The following RIPOR1 variants were observed in gnomAD, a reference collection of about 807,000 sequenced individuals.
The protein encoded by RIPOR1 is rho family-interacting cell polarization regulator 1.
A neutral mutation model predicts 116.5 loss-of-function variants in RIPOR1; 58 were observed. The observed-to-expected ratio is 0.50, with a 90% confidence interval of 0.40 to 0.62. The LOEUF (loss-of-function observed/expected upper bound fraction) is 0.62. RIPOR1 is among the 20% of genes least tolerant of loss of function. The pLI, the probability that RIPOR1 is intolerant of heterozygous loss-of-function variation, is 0.00. For synonymous variants in RIPOR1, 605 were observed against 650.0 expected, an observed-to-expected ratio of 0.93 and a Z score of 1.05; for missense variants, 1,372 against 1,586.2, an observed-to-expected ratio of 0.86 and a Z score of 2.29.
rs56068529 is a variant in RIPOR1, at chr16:67,542,952, C to T, written c.2166C>T (p.Pro722=). The change falls in exon 13 of 22, where the codon CCC becomes CCT. Residue 722 remains proline, a synonymous_variant. Transcript: ENST00000042381. This position sits in a 1 kb window ranked among gnomAD's most constrained non-coding sequence, Gnocchi z 4.6. Reference sequence around the variant, plus strand: ...ACACTCAGGCAGACCCTATGGCCCCCAGAACTCCCCACCCAAGTCCTGCCC... The same window carrying T: ...ACACTCAGGCAGACCCTATGGCCCCTAGAACTCCCCACCCAAGTCCTGCCC... ...NSYTQADPMA[P]RTPHPSPAHS... is the part of the protein sequence containing the mutation. The T allele has an allele frequency of 7.5e-4, 1,183 of 1,585,810 alleles. 7 individuals are homozygous for T. The African/African-American group carries it at 0.014, about 19-fold the overall frequency.
rs1250367569 is a variant in RIPOR1, at chr16:67,545,570, G to T, written c.3190+36G>T. On this transcript the variant is annotated intron_variant, in intron 18 of 21. Transcript: ENST00000042381. The surrounding 1 kb of genome is among the most constrained non-coding windows in gnomAD (Gnocchi z 4.8). ...GGCCCTGATCACATAGTGGCCTCTTGGGGTCTGAGGACATGAGGACAAGCC... is the reference window on the plus strand; with the variant it reads ...GGCCCTGATCACATAGTGGCCTCTTTGGGTCTGAGGACATGAGGACAAGCC... 6.2e-7 allele frequency: 1 copy of T among 1,608,902 alleles called. No individual in the cohort carries two copies. Among genetic ancestry groups the T allele is most frequent in the Non-Finnish European group, 8.5e-7 (1 of 1,176,616 alleles).
chr16:67,534,286 A>C (rs2050737835), intron 1 of RIPOR1, among the ~76,000 whole-genome samples: 1 of 145,896 alleles, frequency 6.9e-6, no homozygotes, highest in Non-Finnish European at 1.5e-5. Flanking sequence ...CACCTGGCTA[A>C]TTTTTGTATT....
At position 67,537,579 on chromosome 16, in the gene RIPOR1, A is replaced by G; in HGVS notation, c.-23-845A>G. On this transcript the variant is annotated intron_variant, in intron 1 of 21. Coordinates refer to ENST00000042381, the MANE Select transcript of RIPOR1 (RefSeq NM_024519.4). The surrounding 1 kb of genome is among the most constrained non-coding windows in gnomAD (Gnocchi z 4.6). Reference sequence around the variant, plus strand: ...GGTCGGGGGCCGTCCCGGACCCACCATGAACACCAAGAAGAGAGGTAGGAC... The same window carrying G: ...GGTCGGGGGCCGTCCCGGACCCACCGTGAACACCAAGAAGAGAGGTAGGAC... 5 of 1,421,048 alleles carry G rather than the reference A, an allele frequency of 3.5e-6. No individual in the cohort carries two copies. The highest frequency in any genetic ancestry group is 4.6e-6 in the Non-Finnish European group (5 of 1,086,418). The allele number at this position is 1,421,048 out of a possible 1,614,324, so 88.0% of individuals were successfully genotyped here. A position where few individuals can be genotyped will look rare whatever the true frequency, so the allele number is the denominator to read the frequency against.
At chr16:67,527,738 T>TG (rs1240988888), upstream of RIPOR1, among the ~76,000 whole-genome samples, 3 of 148,782 alleles carry the variant, frequency 2.0e-5, no homozygotes, top group Non-Finnish European at 4.4e-5. Context: ...TAGCCGGGCG[T>TG]GGTGTGGGCG....
In RIPOR1 at chr16:67,530,931, C is replaced by T. The variant is rs931531098; in HGVS notation, c.-24+2017C>T. Among the ~76,000 whole-genome samples, 1 of 152,152 alleles carries T rather than the reference C, an allele frequency of 6.6e-6. No individual in the cohort carries two copies. Reference sequence around the variant, plus strand: ...GTTCAGCTCTTTCCCTACCTGCTCTCACCCAGCAAGGGCAATCTTGCCCGC... The same window carrying T: ...GTTCAGCTCTTTCCCTACCTGCTCTTACCCAGCAAGGGCAATCTTGCCCGC... On this transcript the variant is annotated intron_variant, in intron 1 of 21. Transcript: ENST00000042381. The surrounding 1 kb of genome is among the most constrained non-coding windows in gnomAD (Gnocchi z 4.5).
At position 67,537,239 on chromosome 16, in the gene RIPOR1, C is replaced by T. The variant is rs113009461; in HGVS notation, c.-23-1185C>T. ...CAATAGCGACTCTTTAAGCCCCCTACTCTAATGTCTGATACTTCCTCCACT... is the reference window on the plus strand; with the variant it reads ...CAATAGCGACTCTTTAAGCCCCCTATTCTAATGTCTGATACTTCCTCCACT... On this transcript the variant is annotated intron_variant, in intron 1 of 21. Coordinates refer to ENST00000042381, the MANE Select transcript of RIPOR1 (RefSeq NM_024519.4). The surrounding 1 kb of genome is among the most constrained non-coding windows in gnomAD (Gnocchi z 4.6). Among the ~76,000 whole-genome samples, 57 of 152,322 alleles carry T rather than the reference C, an allele frequency of 3.7e-4. No homozygotes were observed. Among genetic ancestry groups the T allele is most frequent in the African/African-American group, 1.2e-3 (50 of 41,576 alleles).
rs547601677 is a variant in RIPOR1 at position 67,533,911 on chromosome 16, G to A, written c.-23-4513G>A. 2.0e-3 allele frequency among the ~76,000 whole-genome samples: 305 copies of A among 149,342 alleles called. 4 individuals are homozygous for A. The highest frequency in any genetic ancestry group is 7.4e-3 in the African/African-American group (301 of 40,478). On this transcript the variant is annotated intron_variant, in intron 1 of 21. Coordinates refer to ENST00000042381, the MANE Select transcript of RIPOR1 (RefSeq NM_024519.4). ...CAACCTCCACCTCCCGGGTTCAAGC[G>A]ATTCTCCTGCCTCAGTCTTCTGAGC...
At position 67,542,538 on chromosome 16, in the gene RIPOR1, T is replaced by C. The variant is rs746888651; in HGVS notation, c.1752T>C (p.Thr584=). Residue 584 remains threonine (T), a synonymous_variant, in exon 13 of 22, where the codon ACT becomes ACC. Transcript: ENST00000042381. This position sits in a 1 kb window ranked among gnomAD's most constrained non-coding sequence, Gnocchi z 4.6. The part of the protein sequence containing the change: ...THKPIISTLT[T]TGPTLNIIGP... ...AGCCCATAATCTCTACCCTTACTAC[T>C]ACAGGCCCTACCCTCAATATCATAG... 17 of 1,613,646 alleles carry C rather than the reference T, an allele frequency of 1.1e-5. No homozygotes were observed. The highest frequency in any genetic ancestry group is 1.3e-5 in the African/African-American group (1 of 74,756).
intron 1 of RIPOR1, among the ~76,000 whole-genome samples, chr16:67,518,783 G>A (rs1387401111): frequency 6.6e-6 from 1 of 152,214 alleles, no homozygotes; most frequent in Non-Finnish European, 1.5e-5. Flanking sequence ...CGGTCTTGGG[G>A]TGTGGAACCC....
In RIPOR1 at chr16:67,544,902, G is replaced by A; in HGVS notation, c.2870-54G>A. 1.2e-6 allele frequency: 2 copies of A among 1,603,986 alleles called. No individual in the cohort carries two copies. Among genetic ancestry groups the A allele is most frequent in the Non-Finnish European group, 1.7e-6 (2 of 1,174,718 alleles). ...TACCTCAGCCTACTGCCATCTGCAT[G>A]CTCTCTACTCACCTGCCTGCCTGTT... On this transcript the variant is annotated intron_variant, in intron 16 of 21. Coordinates refer to ENST00000042381, the MANE Select transcript of RIPOR1 (RefSeq NM_024519.4). This position sits in a 1 kb window ranked among gnomAD's most constrained non-coding sequence, Gnocchi z 5.1.
At chr16:67,526,891 G>A (rs1001518212), upstream of RIPOR1, among the ~76,000 whole-genome samples, 3 of 152,220 alleles carry the variant, frequency 2.0e-5, no homozygotes, top group African/African-American at 7.2e-5. Context: ...TCTAGCTCAG[G>A]TGGATGCCTG....
chr16:67,529,459 C>T lies in RIPOR1; in HGVS notation c.-24+545C>T. Reference sequence around the variant, plus strand: ...CCGCCCAAACCTGGCGTAGCCGAAGCCGGAGAGGATCGTCCTTGTCGGGGA... The same window carrying T: ...CCGCCCAAACCTGGCGTAGCCGAAGTCGGAGAGGATCGTCCTTGTCGGGGA... On this transcript the variant is annotated intron_variant, in intron 1 of 21. Transcript: ENST00000042381. The surrounding 1 kb of genome is among the most constrained non-coding windows in gnomAD (Gnocchi z 4.1). The T allele has an allele frequency of 3.3e-6, 1 of 300,894 alleles. No homozygotes were observed. The highest frequency in any genetic ancestry group is 5.7e-5 in the South Asian group (1 of 17,572). The allele number at this position is 300,894 out of a possible 1,614,324, so 18.6% of individuals were successfully genotyped here. A position where few individuals can be genotyped will look rare whatever the true frequency, so the allele number is the denominator to read the frequency against.
chr16:67,535,003 C>T lies in RIPOR1; in HGVS notation c.-23-3421C>T, dbSNP rs149842041. 2.0e-5 allele frequency among the ~76,000 whole-genome samples: 3 copies of T among 151,998 alleles called. No individual in the cohort carries two copies. The East Asian group carries it at 5.8e-4, about 29-fold the overall frequency. On this transcript the variant is annotated intron_variant, in intron 1 of 21. Transcript: ENST00000042381. The stretch of plus-strand genomic sequence containing the variant: ...CACTACAGGCGTGCACGACCAAGCC[C>T]AGCTAATTTTTGTATTTTTAGCAGA...
At chr16:67,538,273 C>A (rs905238206) in intron 1 of RIPOR1, 151 bp from the exon 2 acceptor site, 2 of 991,458 alleles carry the variant, frequency 2.0e-6, no homozygotes, top group Non-Finnish European at 2.8e-6. Context: ...CATTAGTGCC[C>A]GGGTCGGCGG....
In RIPOR1 at chr16:67,545,302, G is replaced by A; in HGVS notation, c.3032-74G>A. The A allele has an allele frequency of 1.9e-6, 3 of 1,565,808 alleles. No individual in the cohort carries two copies. The highest frequency in any genetic ancestry group is 2.6e-6 in the Non-Finnish European group (3 of 1,153,782). On this transcript the variant is annotated intron_variant, in intron 17 of 21. Transcript: ENST00000042381. The surrounding 1 kb of genome is among the most constrained non-coding windows in gnomAD (Gnocchi z 4.8). ...ACAGGGGGCCCCTGGACCTGAGCCT[G>A]GGATAGGAGCATCTCTCCCCTCTAA...
At position 67,545,020 on chromosome 16, in the gene RIPOR1, C is replaced by G. The variant is rs770973254; in HGVS notation, c.2934C>G (p.Leu978=). 134 of 1,613,556 alleles carry G rather than the reference C, an allele frequency of 8.3e-5. No individual in the cohort carries two copies. The highest frequency in any genetic ancestry group is 1.1e-4 in the Non-Finnish European group (128 of 1,180,038). Residue 978 remains leucine, a synonymous_variant, in exon 17 of 22, where the codon CTC becomes CTG. Transcript: ENST00000042381. This position sits in a 1 kb window ranked among gnomAD's most constrained non-coding sequence, Gnocchi z 4.8. ...LTFWDQCTER[L]SCFLCPVERV... ...TCTGGGACCAGTGCACAGAGAGACT[C>G]AGCTGCTTCCTCTGCCCGGTGGAGC...
At chr16:67,532,391 C>T (rs2050683950) in intron 1 of RIPOR1, among the ~76,000 whole-genome samples, 1 of 151,714 alleles carries the variant, frequency 6.6e-6, no homozygotes, top group Admixed American at 6.6e-5. Context: ...CGCTTGAGCC[C>T]AGGAGTTCAA....
intron 1 of RIPOR1, among the ~76,000 whole-genome samples, chr16:67,520,437 T>TAAGATAAGAGAAGAG (rs1555524558): frequency 6.9e-6 from 1 of 145,468 alleles, no homozygotes; most frequent in Non-Finnish European, 1.5e-5. Flanking sequence ...GAAGAGAAGA[T>TAAGATAAGAGAAGAG]AAGAGAAGAG....
Position 67,545,217 on chromosome 16 carries a change from C to G in RIPOR1, c.3031+100C>G. On this transcript the variant is annotated intron_variant, in intron 17 of 21. Coordinates refer to ENST00000042381, the MANE Select transcript of RIPOR1 (RefSeq NM_024519.4). The surrounding 1 kb of genome is among the most constrained non-coding windows in gnomAD (Gnocchi z 4.8). ...CCACACAGATAAACGAACTGGGCAC[C>G]GAGGAGACCAGCAAAGACTTGGGCC... 6.5e-7 allele frequency: 1 copy of G among 1,541,406 alleles called. No homozygotes were observed. Among genetic ancestry groups the G allele is most frequent in the Non-Finnish European group, 8.8e-7 (1 of 1,134,232 alleles).
Sources: gnomAD v4.1 joint callset for allele counts (sites outside exome capture counted in the v4.1 genomes callset) on GRCh38, gnomAD v4.1.1 for gene constraint, Gnocchi (gnomAD v3.1) non-coding constraint, MANE v1.5 for transcripts, NCBI Gene and HGNC (gene_info 2026-07-23, HGNC 2026-07-21) for gene names.